Variants in DNM3 observed in about 807,000 individuals in gnomAD.
DNM3 encodes the protein dynamin-3.
Under a neutral mutation model 101.6 loss-of-function variants are expected in DNM3, and 47 were observed. The ratio of observed to expected loss-of-function variants is 0.46; its 90% CI spans 0.37 to 0.59. The LOEUF (loss-of-function observed/expected upper bound fraction) is 0.59. Ranked by LOEUF, DNM3 falls within the 20% of genes least tolerant of loss-of-function variation. The probability of loss-of-function intolerance (pLI) is 0.00; values close to 1 mark genes in which losing one functional copy is unlikely to be tolerated. For synonymous variants in DNM3, 385 were observed against 387.9 expected (o/e 0.99, Z 0.09); for missense variants, 849 against 1,085.7 (o/e 0.78, Z 3.06).
At chr1:172,126,762 T>G (rs1411840156) in intron 13 of DNM3, among the ~76,000 whole-genome samples, 1 of 152,006 alleles carries the variant, frequency 6.6e-6, no homozygotes, top group African/African-American at 2.4e-5. Context: ...TTTTATCTTC[T>G]CATTTTCTAC....
At chr1:171,857,216 A>G (rs1331972340) in intron 1 of DNM3, among the ~76,000 whole-genome samples, 1 of 152,206 alleles carries the variant, frequency 6.6e-6, no homozygotes, top group Non-Finnish European at 1.5e-5. Flanking sequence ...AGTTGGCCAC[A>G]TATTAACTGG....
chr1:172,013,392 A>C (rs2047248072), intron 4 of DNM3, among the ~76,000 whole-genome samples: 1 of 152,098 alleles, frequency 6.6e-6, no homozygotes. Flanking sequence ...TAAAACAATG[A>C]ATAAGCTTAT....
intron 1 of DNM3, among the ~76,000 whole-genome samples, chr1:171,855,782 A>G (rs1362377464): frequency 6.6e-6 from 1 of 152,158 alleles, no homozygotes; most frequent in East Asian, 1.9e-4. Context: ...GACCTTTGTC[A>G]GATGCATAGT....
At chr1:172,204,489 C>T (rs2421990) in intron 14 of DNM3, among the ~76,000 whole-genome samples, 38,450 of 151,950 alleles carry the variant, frequency 0.25, 5,391 homozygotes, top group Middle Eastern at 0.34. Flanking sequence ...ACTTGCAGGC[C>T]TCTGAAACTC....
intron 14 of DNM3, chr1:172,138,370 A>G (rs2057374426): frequency 6.6e-6 from 1 of 151,420 alleles, no homozygotes; most frequent in African/African-American, 2.4e-5. Flanking sequence ...AAAAAAAAAA[A>G]AAAAATCATG....
At chr1:171,842,495 C>T (rs2031417898) in intron 1 of DNM3, among the ~76,000 whole-genome samples, 1 of 152,178 alleles carries the variant, frequency 6.6e-6, no homozygotes, top group Non-Finnish European at 1.5e-5. Flanking sequence ...TTTGCGTGTG[C>T]ACCTATTCAC....
At chr1:172,039,453 G>C (rs2125828406) in intron 7 of DNM3, among the ~76,000 whole-genome samples, 1 of 151,262 alleles carries the variant, frequency 6.6e-6, no homozygotes, top group Non-Finnish European at 1.5e-5. Flanking sequence ...TTATACAAAG[G>C]AAAGAGTTTT....
intron 14 of DNM3, among the ~76,000 whole-genome samples, chr1:172,199,000 A>T (rs1029179147): frequency 6.6e-6 from 1 of 151,998 alleles, no homozygotes. Flanking sequence ...TTGTAAATTC[A>T]GGTTGTTAAT....
At chr1:172,325,568 G>A (rs1403069562) in intron 17 of DNM3, among the ~76,000 whole-genome samples, 1 of 151,326 alleles carries the variant, frequency 6.6e-6, no homozygotes, top group African/African-American at 2.4e-5. Context: ...CAGCACATCT[G>A]CATGTTATTT....
Position 172,217,939 on chromosome 1 carries a change from G to A in DNM3, c.1660-35634G>A, listed in dbSNP as rs1010200645. Reference sequence around the variant, plus strand: ...TGAATTATTATAAGCTAGTTTTATAGTGAATAACATTCTATATTTGTTCAG... The same window carrying A: ...TGAATTATTATAAGCTAGTTTTATAATGAATAACATTCTATATTTGTTCAG... On this transcript the variant is annotated intron_variant, in intron 14 of 20. Transcript: ENST00000627582. Among the ~76,000 whole-genome samples, 26 of 152,084 alleles carry A rather than the reference G, an allele frequency of 1.7e-4. 1 individual carries two copies. Among genetic ancestry groups the A allele is most frequent in the Admixed American group, 1.6e-3 (24 of 15,264 alleles).
chr1:171,848,039 G>A (rs1432144781), intron 1 of DNM3, among the ~76,000 whole-genome samples: 1 of 151,950 alleles, frequency 6.6e-6, no homozygotes, highest in Non-Finnish European at 1.5e-5. Flanking sequence ...ACTTCCTGGA[G>A]CACAGTAGGA....
chr1:172,227,982 C>T (rs761366372), intron 14 of DNM3, among the ~76,000 whole-genome samples: 1 of 152,060 alleles, frequency 6.6e-6, no homozygotes, highest in Non-Finnish European at 1.5e-5. Flanking sequence ...TATCTGAGAA[C>T]TACTAATACT....
At chr1:172,249,137 C>T (rs1351123413) in intron 14 of DNM3, among the ~76,000 whole-genome samples, 2 of 152,198 alleles carry the variant, frequency 1.3e-5, no homozygotes, top group Non-Finnish European at 2.9e-5. Context: ...CCCCACACAC[C>T]TGATCCTCTG....
intron 13 of DNM3, among the ~76,000 whole-genome samples, chr1:172,121,790 T>A (rs2056338788): frequency 6.6e-6 from 1 of 152,222 alleles, no homozygotes; most frequent in South Asian, 2.1e-4. Flanking sequence ...AAGTTATTAA[T>A]TTTTTGGCAG....
intron 1 of DNM3, among the ~76,000 whole-genome samples, chr1:171,902,781 G>A (rs141784766): frequency 6.3e-4 from 96 of 152,220 alleles, no homozygotes; most frequent in African/African-American, 1.6e-3. Flanking sequence ...AATTTGCCAC[G>A]TAAAAGAATG....
intron 20 of DNM3, among the ~76,000 whole-genome samples, chr1:172,395,173 AT>A (rs151029098): frequency 0.074 from 9,842 of 132,926 alleles, 275 homozygotes; most frequent in Middle Eastern, 0.12. Flanking sequence ...ATCAGAAGCA[AT>A]TTTTTTTTTT....
At chr1:171,859,126 C>T (rs1283826358) in intron 1 of DNM3, among the ~76,000 whole-genome samples, 2 of 152,182 alleles carry the variant, frequency 1.3e-5, no homozygotes, top group Admixed American at 6.6e-5. Context: ...AGCCCAGCTT[C>T]TCCAGGTTAT....
chr1:172,298,224 T>C (rs773671099), intron 15 of DNM3, among the ~76,000 whole-genome samples: 3 of 152,216 alleles, frequency 2.0e-5, no homozygotes, highest in Non-Finnish European at 2.9e-5. Flanking sequence ...ACTGCTGTGA[T>C]TGCTTTCCTC....
chr1:171,865,100 CTTTT>C (rs1444191153), intron 1 of DNM3, among the ~76,000 whole-genome samples: 1 of 151,894 alleles, frequency 6.6e-6, no homozygotes, highest in East Asian at 1.9e-4. Flanking sequence ...TTATGTCTTG[CTTTT>C]CTGCAAAGGA....
Sources: gnomAD v4.1 joint callset for allele counts (sites outside exome capture counted in the v4.1 genomes callset) on GRCh38, gnomAD v4.1.1 for gene constraint, MANE v1.5 for transcripts, NCBI Gene and HGNC (gene_info 2026-07-23, HGNC 2026-07-21) for gene names.